AKT3: variants seen among roughly 807,000 people sequenced by gnomAD.
The protein encoded by AKT3 is AKT serine/threonine kinase 3.
In AKT3, 15 loss-of-function variants were observed where a neutral mutation model predicts 65.3. The ratio of observed to expected loss-of-function variants is 0.23; its 90% CI spans 0.15 to 0.35. AKT3 has a LOEUF of 0.35. Ranked by LOEUF, AKT3 falls within the 10% of genes least tolerant of loss-of-function variation. The pLI is 1.00. For synonymous variants in AKT3, 206 were observed against 183.8 expected, an observed-to-expected ratio of 1.12 and a Z score of -0.98; for missense variants, 243 against 576.5, an observed-to-expected ratio of 0.42 and a Z score of 5.92.
intron 12 of AKT3, among the ~76,000 whole-genome samples, chr1:243,531,283 G>A (rs1671509808): frequency 6.6e-6 from 1 of 151,926 alleles, no homozygotes; most frequent in African/African-American, 2.4e-5. Context: ...GGTAAAGGTG[G>A]GGTTTTGCCA....
At chr1:243,839,087 A>G (rs570493726) in intron 2 of AKT3, among the ~76,000 whole-genome samples, 4 of 152,298 alleles carry the variant, frequency 2.6e-5, no homozygotes, top group African/African-American at 9.6e-5. Flanking sequence ...AAGACTACTT[A>G]GGTTTTTATG....
At chr1:243,706,313 G>A (rs1685792689) in intron 2 of AKT3, among the ~76,000 whole-genome samples, 1 of 152,164 alleles carries the variant, frequency 6.6e-6, no homozygotes, top group African/African-American at 2.4e-5. Flanking sequence ...GAACATGCCT[G>A]ATGGATATGA....
chr1:243,601,928 C>T (rs1353137810), intron 8 of AKT3, among the ~76,000 whole-genome samples: 1 of 152,054 alleles, frequency 6.6e-6, no homozygotes, highest in Non-Finnish European at 1.5e-5. Context: ...TCTGTTTTCC[C>T]TCCCTTGAAA....
In AKT3 at chr1:243,699,465, C is replaced by CTATATATATATA. The variant is rs58911364; in HGVS notation, c.47-3761_47-3750dup. Among the ~76,000 whole-genome samples the CTATATATATATA allele has an allele frequency of 1.9e-3, 195 of 103,508 alleles. 3 individuals are homozygous for CTATATATATATA. The highest frequency in any genetic ancestry group is 3.1e-3 in the African/African-American group (63 of 20,408). 67.9% of individuals were successfully genotyped at this position (103,508 alleles called of 152,430 possible). A position where few individuals can be genotyped will look rare whatever the true frequency, so the allele number is the denominator to read the frequency against. On this transcript the variant is annotated intron_variant, in intron 2 of 13. Transcript: ENST00000673466. ...AAGACTTCCAACCCAACCTCTTCCA[C>CTATATATATATA]TATATATATATATATATATATATAT...
intron 13 of AKT3, among the ~76,000 whole-genome samples, chr1:243,490,551 C>T (rs1378104761): frequency 6.6e-6 from 1 of 152,264 alleles, no homozygotes; most frequent in African/African-American, 2.4e-5. Flanking sequence ...CCTGCCCCCG[C>T]TTCGGACAAG....
intron 3 of AKT3, among the ~76,000 whole-genome samples, chr1:243,677,503 A>G (rs554491631): frequency 5.9e-5 from 9 of 152,102 alleles, no homozygotes; most frequent in African/African-American, 2.2e-4. Context: ...CATAAAATGT[A>G]TATTTATATA....
intron 2 of AKT3, among the ~76,000 whole-genome samples, chr1:243,838,740 C>T (rs531174192): frequency 5.3e-5 from 8 of 152,102 alleles, no homozygotes; most frequent in Non-Finnish European, 1.2e-4. Context: ...TACCAAATAC[C>T]GACACTGTAG....
At chr1:243,754,289 T>G (rs1688985515) in intron 2 of AKT3, among the ~76,000 whole-genome samples, 1 of 152,204 alleles carries the variant, frequency 6.6e-6, no homozygotes, top group Non-Finnish European at 1.5e-5. Flanking sequence ...GTACTTTCCA[T>G]AATTAGCATT....
chr1:243,736,829 C>T (rs1687874773), intron 2 of AKT3, among the ~76,000 whole-genome samples: 1 of 152,134 alleles, frequency 6.6e-6, no homozygotes, highest in African/African-American at 2.4e-5. Context: ...GTATGCCACC[C>T]CTATATTGCT....
chr1:243,665,839 T>C (rs955339859), intron 3 of AKT3, among the ~76,000 whole-genome samples: 3 of 151,924 alleles, frequency 2.0e-5, no homozygotes, highest in Non-Finnish European at 2.9e-5. Flanking sequence ...TAGGGTAGGG[T>C]TGTCTGCTGA....
chr1:243,775,315 G>A (rs919499657), intron 2 of AKT3, among the ~76,000 whole-genome samples: 1 of 152,046 alleles, frequency 6.6e-6, no homozygotes, highest in African/African-American at 2.4e-5. Context: ...CAAGTAGCTG[G>A]GACTACAGGC....
intron 2 of AKT3, among the ~76,000 whole-genome samples, chr1:243,753,258 CA>C (rs1306656215): frequency 6.6e-6 from 1 of 152,082 alleles, no homozygotes; most frequent in Non-Finnish European, 1.5e-5. Flanking sequence ...GGGTCTTAAG[CA>C]GTGTAAAAAA....
chr1:243,742,075 A>AC (rs1375589398), intron 2 of AKT3, among the ~76,000 whole-genome samples: 3 of 151,054 alleles, frequency 2.0e-5, no homozygotes, highest in East Asian at 1.9e-4. Context: ...AAAAAAAAAA[A>AC]AACAGTAAAA....
At chr1:243,524,816 T>C (rs1259305743) in intron 12 of AKT3, among the ~76,000 whole-genome samples, 1 of 152,074 alleles carries the variant, frequency 6.6e-6, no homozygotes, top group Admixed American at 6.5e-5. Flanking sequence ...GAGAAAGACA[T>C]GAAAACAATC....
chr1:243,604,585 G>A (rs1432739430), intron 8 of AKT3, among the ~76,000 whole-genome samples: 2 of 152,112 alleles, frequency 1.3e-5, no homozygotes, highest in East Asian at 1.9e-4. Flanking sequence ...TTATTCTTAC[G>A]TCTTAGCCTA....
In AKT3 at chr1:243,502,939, T is replaced by C. The variant is rs563859604; in HGVS notation, c.*2310A>G. On this transcript the variant is annotated 3_prime_UTR_variant, in exon 14 of 14. Transcript: ENST00000673466. ...GTGTGCTTAGTGTTCGGTGTCATGC[T>C]TTCCCTCTAGAGGAGTAAGTGCTCT... 43 of 233,326 alleles carry C rather than the reference T, an allele frequency of 1.8e-4. No homozygotes were observed. Among genetic ancestry groups the C allele is most frequent in the Admixed American group, 1.5e-3 (27 of 17,804 alleles). The allele number at this position is 233,326 out of a possible 1,614,324, so 14.5% of individuals were successfully genotyped here. A position where few individuals can be genotyped will look rare whatever the true frequency, so the allele number is the denominator to read the frequency against.
At chr1:243,625,124 G>GTTTTTTTTTTTTTTTTTTTTTTTT (rs67561828) in intron 6 of AKT3, 2 of 75,242 alleles carry the variant, frequency 2.7e-5, no homozygotes, top group Non-Finnish European at 4.7e-5. Context: ...TGCAGTTTGT[G>GTTTTTTTTTTTTTTTTTTTTTTTT]TTTTTTTTTT....
rs55765060 is a variant in AKT3 at position 243,649,313 on chromosome 1, A to ATGTGTGTGTG, written c.285-3286_285-3277dup. Among the ~76,000 whole-genome samples the ATGTGTGTGTG allele has an allele frequency of 1.4e-3, 200 of 146,016 alleles. 2 individuals are homozygous for ATGTGTGTGTG. The highest frequency in any genetic ancestry group is 5.1e-3 in the African/African-American group (196 of 38,336). On this transcript the variant is annotated intron_variant, in intron 4 of 13. Transcript: ENST00000673466. ...ATGACCAAGAATATGTTATGTGTAT[A>ATGTGTGTGTG]TGTGTGTGTGTGTGTGTGTGTGTGT... is the stretch of plus-strand genomic sequence containing the variant.
At chr1:243,779,766 G>T (rs1196731893) in intron 2 of AKT3, among the ~76,000 whole-genome samples, 1 of 152,056 alleles carries the variant, frequency 6.6e-6, no homozygotes, top group Non-Finnish European at 1.5e-5. Flanking sequence ...GCTTCTAGAG[G>T]TAGGAAAGTA....
Sources: allele counts gnomAD v4.1 joint callset (sites outside exome capture counted in the v4.1 genomes callset), GRCh38; gene constraint gnomAD v4.1.1; transcripts MANE v1.5; gene names NCBI Gene and HGNC (gene_info 2026-07-23, HGNC 2026-07-21).